PIEZO2: variants seen among roughly 807,000 people sequenced by gnomAD.
The protein encoded by PIEZO2 is piezo type mechanosensitive ion channel component 2, also known as piezo-type mechanosensitive ion channel component 2.
A neutral mutation model predicts 337.3 loss-of-function variants in PIEZO2; 172 were observed. That is an observed-to-expected ratio of 0.51 (90% confidence interval 0.45 to 0.58). The LOEUF is 0.58. Ranked by LOEUF, PIEZO2 falls within the 20% of genes least tolerant of loss-of-function variation. PIEZO2 has a pLI of 0.00. For missense variants in PIEZO2, 3,028 were observed against 3,391.3 expected (o/e 0.89, Z 2.66); for synonymous variants, 1,251 against 1,228.5 (o/e 1.02, Z -0.38).
chr18:10,702,902 G>A (rs1018825305), intron 42 of PIEZO2, among the ~76,000 whole-genome samples: 1 of 152,160 alleles, frequency 6.6e-6, no homozygotes, highest in African/African-American at 2.4e-5. Context: ...CTTGCTCACG[G>A]TGGAGTGCAG....
Position 10,979,698 on chromosome 18 carries a change from A to G in PIEZO2, c.161-38T>C. On this transcript the variant is annotated intron_variant, in intron 2 of 55. Transcript: ENST00000674853. The surrounding 1 kb of genome is among the most constrained non-coding windows in gnomAD (Gnocchi z 4.0). ...AAGTGCAGAGATTGTGAGAGAGCTT[A>G]AGATGAAACACACTGGTGCTGTCTC... is the stretch of plus-strand genomic sequence containing the variant. 6.7e-7 allele frequency: 1 copy of G among 1,498,030 alleles called. No homozygotes were observed. Among genetic ancestry groups the G allele is most frequent in the Non-Finnish European group, 8.9e-7 (1 of 1,121,368 alleles). 92.8% of individuals were successfully genotyped at this position (1,498,030 alleles called of 1,614,324 possible). A position where few individuals can be genotyped will look rare whatever the true frequency, so the allele number is the denominator to read the frequency against.
chr18:10,843,162 G>A (rs2041246972), intron 7 of PIEZO2, among the ~76,000 whole-genome samples: 1 of 152,122 alleles, frequency 6.6e-6, no homozygotes, highest in African/African-American at 2.4e-5. Context: ...ATGAGGTGTT[G>A]CTGCAATAAA....
At chr18:10,680,859 TA>T (rs1033818196) in intron 51 of PIEZO2, among the ~76,000 whole-genome samples, 37 of 151,550 alleles carry the variant, frequency 2.4e-4, no homozygotes, top group Middle Eastern at 6.8e-3. Flanking sequence ...CTCTCTTAAA[TA>T]AAAAAAAATT....
intron 42 of PIEZO2, among the ~76,000 whole-genome samples, chr18:10,703,087 C>T (rs8089486): frequency 0.2 from 30,642 of 152,152 alleles, 3,465 homozygotes; most frequent in East Asian, 0.47. Flanking sequence ...CTCCTGACCT[C>T]AAGTGATCCT....
At position 10,943,823 on chromosome 18, in the gene PIEZO2, G is replaced by T. The variant is rs1317107724; in HGVS notation, c.287-32595C>A. ...GTGAGAGTTGCAGAAGGGACCCGGT[G>T]GGAGATGACTGAATCATGGGAGCAA... is the stretch of plus-strand genomic sequence containing the variant. On this transcript the variant is annotated intron_variant, in intron 3 of 55. Transcript: ENST00000674853. The surrounding 1 kb of genome is among the most constrained non-coding windows in gnomAD (Gnocchi z 4.5). Among the ~76,000 whole-genome samples the T allele has an allele frequency of 2.6e-5, 4 of 152,296 alleles. No homozygotes were observed. The South Asian group carries it at 8.3e-4, about 32-fold the overall frequency.
intron 7 of PIEZO2, among the ~76,000 whole-genome samples, chr18:10,843,948 G>C (rs898571493): frequency 6.6e-6 from 1 of 152,224 alleles, no homozygotes; most frequent in African/African-American, 2.4e-5. Context: ...TTACCACGAA[G>C]TTGTTCTGGA....
intron 1 of PIEZO2, among the ~76,000 whole-genome samples, chr18:11,138,351 G>A (rs879637420): frequency 2.2e-4 from 34 of 152,134 alleles, no homozygotes; most frequent in Admixed American, 5.2e-4. Flanking sequence ...GCTGGAGTAC[G>A]GTGGCACAAT....
Position 10,942,957 on chromosome 18 carries a change from G to A in PIEZO2, c.287-31729C>T, listed in dbSNP as rs2032807062. On this transcript the variant is annotated intron_variant, in intron 3 of 55. Coordinates refer to ENST00000674853, the MANE Select transcript of PIEZO2 (RefSeq NM_001378183.1). The surrounding 1 kb of genome is among the most constrained non-coding windows in gnomAD (Gnocchi z 4.4). ...CAGAGCTTGGGCTATGGCATCAGAG[G>A]GTGCAAGCTCCAAGCCTTGGCAACT... 6.6e-6 allele frequency among the ~76,000 whole-genome samples: 1 copy of A among 152,184 alleles called. No individual in the cohort carries two copies.
Position 10,750,205 on chromosome 18 carries a change from G to A in PIEZO2, c.4168-18C>T, listed in dbSNP as rs1162318559. 1.3e-6 allele frequency: 2 copies of A among 1,513,688 alleles called. No individual in the cohort carries two copies. The highest frequency in any genetic ancestry group is 1.2e-5 in the South Asian group (1 of 83,550). 93.8% of individuals were successfully genotyped at this position (1,513,688 alleles called of 1,614,324 possible). A position where few individuals can be genotyped will look rare whatever the true frequency, so the allele number is the denominator to read the frequency against. On this transcript the variant is annotated intron_variant, in intron 28 of 55. Coordinates refer to ENST00000674853, the MANE Select transcript of PIEZO2 (RefSeq NM_001378183.1). The surrounding 1 kb of genome is among the most constrained non-coding windows in gnomAD (Gnocchi z 4.1). ...GCTCCTATCTGAAAAACAAAAGAGG[G>A]GGATAATCCTGAAGCTCTGCAGCCA...
intron 1 of PIEZO2, among the ~76,000 whole-genome samples, chr18:11,087,558 G>A (rs944379596): frequency 1.6e-4 from 24 of 152,226 alleles, no homozygotes; most frequent in African/African-American, 5.8e-4. Context: ...CCAGTGGGAA[G>A]ATCAGCTTTA....
At chr18:10,838,661 C>G (rs982408958) in intron 7 of PIEZO2, among the ~76,000 whole-genome samples, 4 of 152,218 alleles carry the variant, frequency 2.6e-5, no homozygotes, top group Non-Finnish European at 5.9e-5. Context: ...TTATCACAGG[C>G]ATTCTTTCTC....
chr18:10,904,119 A>G (rs2043116746), intron 4 of PIEZO2, among the ~76,000 whole-genome samples: 1 of 152,262 alleles, frequency 6.6e-6, no homozygotes, highest in South Asian at 2.1e-4. Context: ...CCGTTTAGTT[A>G]TGTACCTTAT....
In PIEZO2 at chr18:11,027,925, C is replaced by T. The variant is rs372877559; in HGVS notation, c.160+38202G>A. On this transcript the variant is annotated intron_variant, in intron 2 of 55. Coordinates refer to ENST00000674853, the MANE Select transcript of PIEZO2 (RefSeq NM_001378183.1). The surrounding 1 kb of genome is among the most constrained non-coding windows in gnomAD (Gnocchi z 4.2). ...TTGTTAAATATACTAGAAGAGCCTT[C>T]GTAGAGTACTCTTTGATAAATTCTT... is the stretch of plus-strand genomic sequence containing the variant. Among the ~76,000 whole-genome samples, 1 of 152,156 alleles carries T rather than the reference C, an allele frequency of 6.6e-6. No homozygotes were observed. The highest frequency in any genetic ancestry group is 1.5e-5 in the Non-Finnish European group (1 of 68,040).
chr18:10,991,153 T>C (rs2035076129), intron 2 of PIEZO2, among the ~76,000 whole-genome samples: 1 of 141,750 alleles, frequency 7.1e-6, no homozygotes, highest in Non-Finnish European at 1.5e-5. Context: ...TGGAAGGTTT[T>C]ATACACACAC....
At chr18:10,721,673 C>T (rs919124330) in intron 36 of PIEZO2, among the ~76,000 whole-genome samples, 4 of 151,738 alleles carry the variant, frequency 2.6e-5, no homozygotes, top group Admixed American at 1.3e-4. Flanking sequence ...TGACTCAAAG[C>T]GAGACAATAC....
chr18:10,789,397 G>A (rs1317422806), intron 14 of PIEZO2, 32 bp from the exon 15 acceptor site: 1 of 1,518,224 alleles, frequency 6.6e-7, no homozygotes, highest in African/African-American at 1.4e-5. Flanking sequence ...GTTATACTTA[G>A]CTGGTTATCT....
intron 52 of PIEZO2, among the ~76,000 whole-genome samples, chr18:10,678,337 A>C (rs2034109009): frequency 6.6e-6 from 1 of 152,114 alleles, no homozygotes; most frequent in Admixed American, 6.5e-5. Flanking sequence ...CTAGAAAGTA[A>C]ATTTTTGGTA....
chr18:10,800,567 G>T, intron 10 of PIEZO2, 92 bp from the exon 11 acceptor site: 1 of 1,369,376 alleles, frequency 7.3e-7, no homozygotes, highest in South Asian at 1.6e-5. Flanking sequence ...CACCCTAACT[G>T]AACAGTGAGG....
At chr18:10,718,676 T>A (rs1598395657) in intron 36 of PIEZO2, among the ~76,000 whole-genome samples, 2 of 152,160 alleles carry the variant, frequency 1.3e-5, no homozygotes, top group Admixed American at 6.5e-5. Context: ...AATGGCAGAT[T>A]TGAGTTGCAA....
Sources: gnomAD v4.1 joint callset for allele counts (sites outside exome capture counted in the v4.1 genomes callset) on GRCh38, gnomAD v4.1.1 for gene constraint, Gnocchi (gnomAD v3.1) non-coding constraint, MANE v1.5 for transcripts, NCBI Gene and HGNC (gene_info 2026-07-23, HGNC 2026-07-21) for gene names.